Variants in HERPUD2 observed in about 807,000 individuals in gnomAD.
HERPUD2 encodes the protein homocysteine-responsive endoplasmic reticulum-resident ubiquitin-like domain member 2 protein.
HERPUD2 carries 13 observed loss-of-function variants against 49.9 expected under a neutral mutation model. The observed-to-expected ratio is 0.26, with a 90% CI of 0.17 to 0.41. The LOEUF is 0.41. HERPUD2 is among the 10% of genes least tolerant of loss of function. The pLI, the probability that HERPUD2 is intolerant of heterozygous loss-of-function variation, is 1.00. For missense variants in HERPUD2, 449 were observed against 492.2 expected (o/e 0.91, Z 0.83); for synonymous variants, 172 against 171.4 (o/e 1.00, Z -0.03).
chr7:35,651,113 C>T (rs561094448), intron 5 of HERPUD2, among the ~76,000 whole-genome samples: 1 of 152,214 alleles, frequency 6.6e-6, no homozygotes, highest in South Asian at 2.1e-4. Context: ...GCAGTCATCA[C>T]CAACACCACC....
chr7:35,688,564 T>C (rs1197003057), intron 2 of HERPUD2, among the ~76,000 whole-genome samples: 3 of 152,220 alleles, frequency 2.0e-5, no homozygotes, highest in African/African-American at 7.2e-5. Flanking sequence ...TCTTAAGATA[T>C]TATGCATCTA....
At position 35,694,274 on chromosome 7, in the gene HERPUD2, C is replaced by G; in HGVS notation, c.57G>C (p.Gln19His). ...PVTLIIKAPNQKYSDQTISCF... is the reference protein window; with the variant it reads ...PVTLIIKAPNHKYSDQTISCF... ...AGCTAATAGTCTGGTCACTGTATTTCTGATTCGGTGCTTTAATGATGAGGG... is the reference window on the plus strand; with the variant it reads ...AGCTAATAGTCTGGTCACTGTATTTGTGATTCGGTGCTTTAATGATGAGGG... Residue 19 changes from glutamine to histidine, a missense_variant, in exon 2 of 9, where the codon CAG (glutamine) becomes CAC (histidine). Physicochemically the swap from Gln to His is conservative, Grantham distance 24. Transcript: ENST00000311350. 6.2e-7 allele frequency: 1 copy of G among 1,614,130 alleles called. No individual in the cohort carries two copies. Among genetic ancestry groups the G allele is most frequent in the African/African-American group, 1.3e-5 (1 of 75,048 alleles).
intron 2 of HERPUD2, among the ~76,000 whole-genome samples, chr7:35,680,815 ATG>A (rs1377281608): frequency 2.0e-5 from 3 of 152,312 alleles, no homozygotes; most frequent in South Asian, 2.1e-4. Context: ...TTATGTCAAC[ATG>A]TGTTTTTTTC....
chr7:35,682,343 GTGTGTGTGTGTGTGTATATATA>G lies in HERPUD2; in HGVS notation c.148-9087_148-9066del, dbSNP rs1233865206. On this transcript the variant is annotated intron_variant, in intron 2 of 8. Coordinates refer to ENST00000311350, the MANE Select transcript of HERPUD2 (RefSeq NM_022373.5). ...CATACACACGTGTGTGTGTGTGTGT[GTGTGTGTGTGTGTGTATATATA>G]TATATATATATATATATATATACTT... 6.5e-3 allele frequency among the ~76,000 whole-genome samples: 247 copies of G among 37,794 alleles called. 47 individuals carry two copies. Among genetic ancestry groups the G allele is most frequent in the African/African-American group, 0.025 (223 of 8,904 alleles). 24.8% of individuals were successfully genotyped at this position (37,794 alleles called of 152,430 possible).
rs1179410713 is a variant in HERPUD2 at position 35,694,257 on chromosome 7, G to A, written c.74C>T (p.Thr25Ile). 5.0e-6 allele frequency: 8 copies of A among 1,614,096 alleles called. No homozygotes were observed. In the South Asian group the frequency reaches 7.7e-5, roughly 16 times the overall value. Residue 25 changes from threonine (T) to isoleucine (I), a missense_variant, in exon 2 of 9, where the codon ACT (threonine) becomes ATT (isoleucine). Physicochemically the swap from Thr to Ile is moderately conservative, Grantham distance 89. Coordinates refer to ENST00000311350, the MANE Select transcript of HERPUD2 (RefSeq NM_022373.5). ...KAPNQKYSDQ[T>I]ISCFLNWTVG... is the part of the protein sequence containing the mutation. Reference sequence around the variant, plus strand: ...GGTCCAGTTCAAGAAGCAGCTAATAGTCTGGTCACTGTATTTCTGATTCGG... The same window carrying A: ...GGTCCAGTTCAAGAAGCAGCTAATAATCTGGTCACTGTATTTCTGATTCGG...
intron 2 of HERPUD2, among the ~76,000 whole-genome samples, chr7:35,682,367 A>AC (rs1785932348): frequency 1.0e-5 from 1 of 100,232 alleles, no homozygotes; most frequent in Admixed American, 1.0e-4. Context: ...GTATATATAT[A>AC]TATATATATA....
At chr7:35,685,423 A>G (rs1196322197) in intron 2 of HERPUD2, among the ~76,000 whole-genome samples, 1 of 150,448 alleles carries the variant, frequency 6.6e-6, no homozygotes, top group Non-Finnish European at 1.5e-5. Context: ...TCCCAGGCTT[A>G]AGCAATTCTC....
rs1003427527 is a variant in HERPUD2 at position 35,694,405 on chromosome 7, G to A, written c.-75C>T. The A allele has an allele frequency of 6.6e-7, 1 of 1,513,000 alleles. No homozygotes were observed. Among genetic ancestry groups the A allele is most frequent in the Non-Finnish European group, 9.2e-7 (1 of 1,090,744 alleles). 93.7% of individuals were successfully genotyped at this position (1,513,000 alleles called of 1,614,324 possible). ...AAGAGCCGAGATGGTCACCGCCGGC[G>A]CGACTGGGATGAGGACAGAAGTGAG... On this transcript the variant is annotated 5_prime_UTR_variant, in exon 2 of 9. Coordinates refer to ENST00000311350, the MANE Select transcript of HERPUD2 (RefSeq NM_022373.5).
chr7:35,682,874 G>C (rs1256231392), intron 2 of HERPUD2, among the ~76,000 whole-genome samples: 1 of 146,260 alleles, frequency 6.8e-6, no homozygotes, highest in Non-Finnish European at 1.5e-5. Flanking sequence ...GGAGGCAAAA[G>C]ACCTCTACAA....
chr7:35,682,268 TAGATATATA>T (rs1785913353), intron 2 of HERPUD2, among the ~76,000 whole-genome samples: 1 of 60,214 alleles, frequency 1.7e-5, no homozygotes, highest in African/African-American at 6.4e-5. Context: ...TGTGTATATA[TAGATATATA>T]CACATACACA....
chr7:35,686,737 AAAAAAAAAC>A lies in HERPUD2; in HGVS notation c.147+7438_147+7446del, dbSNP rs1469026914. On this transcript the variant is annotated intron_variant, in intron 2 of 8. Transcript: ENST00000311350. ...CCGTCTCAAAAAAAAAAAAAAAAAAAAAAAAAAACCAAACCCATTTCCAGGCCAGGGGTG... is the reference window on the plus strand; with the variant it reads ...CCGTCTCAAAAAAAAAAAAAAAAAAACAAACCCATTTCCAGGCCAGGGGTG... 8.9e-5 allele frequency among the ~76,000 whole-genome samples: 10 copies of A among 112,116 alleles called. 1 individual carries two copies. The highest frequency in any genetic ancestry group is 1.0e-4 in the Non-Finnish European group (6 of 57,606). 73.6% of individuals were successfully genotyped at this position (112,116 alleles called of 152,430 possible).
intron 2 of HERPUD2, among the ~76,000 whole-genome samples, chr7:35,679,283 A>C: frequency 6.6e-6 from 1 of 152,222 alleles, no homozygotes; most frequent in East Asian, 1.9e-4. Flanking sequence ...AATAATTATT[A>C]AATTTAAAAG....
At chr7:35,656,392 A>G (rs939980201) in intron 5 of HERPUD2, among the ~76,000 whole-genome samples, 4 of 152,136 alleles carry the variant, frequency 2.6e-5, no homozygotes, top group Admixed American at 2.6e-4. Context: ...CATTAAAATT[A>G]CCATATTACC....
At chr7:35,681,663 T>C (rs979269253) in intron 2 of HERPUD2, among the ~76,000 whole-genome samples, 2 of 152,046 alleles carry the variant, frequency 1.3e-5, no homozygotes, top group Admixed American at 6.6e-5. Context: ...CAAAAAGGAA[T>C]GAAATACTGA....
intron 2 of HERPUD2, among the ~76,000 whole-genome samples, chr7:35,689,502 A>G (rs1786135694): frequency 6.6e-6 from 1 of 152,248 alleles, no homozygotes; most frequent in South Asian, 2.1e-4. Context: ...TTACAAAACT[A>G]AGAGAGATAA....
intron 2 of HERPUD2, among the ~76,000 whole-genome samples, chr7:35,683,736 C>CA (rs1378654358): frequency 6.6e-6 from 1 of 152,082 alleles, no homozygotes; most frequent in Non-Finnish European, 1.5e-5. Flanking sequence ...AAAATCCCAT[C>CA]AAAAAGTGGG....
intron 6 of HERPUD2, among the ~76,000 whole-genome samples, chr7:35,635,995 T>C (rs1784866803): frequency 6.6e-6 from 1 of 152,176 alleles, no homozygotes; most frequent in African/African-American, 2.4e-5. Flanking sequence ...CAATACTGAT[T>C]TGGAAGAACT....
intron 4 of HERPUD2, chr7:35,668,666 A>G (rs1785587809): frequency 6.5e-6 from 1 of 154,590 alleles, no homozygotes; most frequent in African/African-American, 2.4e-5. Flanking sequence ...AAGACTAACA[A>G]AAACTTTTAA....
rs182254201 is a variant in HERPUD2 at position 35,658,545 on chromosome 7, T to C, written c.494+8889A>G. On this transcript the variant is annotated intron_variant, in intron 5 of 8. Transcript: ENST00000311350. ...CCTGACTTGATCATTACACATTCTA[T>C]GCATGTGTAATGATCATCACATGAA... Among the ~76,000 whole-genome samples, 865 of 152,280 alleles carry C rather than the reference T, an allele frequency of 5.7e-3. 13 individuals are homozygous for C. Among genetic ancestry groups the C allele is most frequent in the Admixed American group, 5.2e-3 (79 of 15,294 alleles).
Sources: gnomAD v4.1 joint callset for allele counts (sites outside exome capture counted in the v4.1 genomes callset) on GRCh38, gnomAD v4.1.1 for gene constraint, MANE v1.5 for transcripts, NCBI Gene and HGNC (gene_info 2026-07-23, HGNC 2026-07-21) for gene names.